SUGCT: variants seen among roughly 807,000 people sequenced by gnomAD.
The protein encoded by SUGCT is succinyl-CoA:glutarate CoA-transferase.
SUGCT carries 41 observed loss-of-function variants against 55.0 expected under a neutral mutation model. The observed-to-expected ratio is 0.74, with a 90% CI of 0.58 to 0.97. The LOEUF (loss-of-function observed/expected upper bound fraction) is 0.97, where lower values mean the gene tolerates loss of function less well. Among genes scored for constraint, SUGCT ranks in the 50% least tolerant of loss-of-function variants. The pLI, the probability that SUGCT is intolerant of heterozygous loss-of-function variation, is 0.00. For missense variants in SUGCT, 568 were observed against 547.8 expected (o/e 1.04, Z -0.37); for synonymous variants, 187 against 200.4 (o/e 0.93, Z 0.56).
intron 1 of SUGCT, among the ~76,000 whole-genome samples, chr7:40,139,029 T>C (rs948021566): frequency 3.3e-5 from 5 of 151,908 alleles, no homozygotes; most frequent in African/African-American, 1.2e-4. Context: ...ATCCTACCAC[T>C]TTGGGAGGCT....
At chr7:40,506,385 G>A (rs1230111652) in intron 12 of SUGCT, among the ~76,000 whole-genome samples, 1 of 151,994 alleles carries the variant, frequency 6.6e-6, no homozygotes, top group East Asian at 1.9e-4. Flanking sequence ...ATTCCCTTGA[G>A]TGTAATGTAT....
chr7:40,594,347 A>G (rs141492965), intron 12 of SUGCT, among the ~76,000 whole-genome samples: 2 of 152,076 alleles, frequency 1.3e-5, no homozygotes, highest in Non-Finnish European at 2.9e-5. Flanking sequence ...TAAAAAAAAA[A>G]AAATATGATG....
chr7:40,654,037 G>A (rs1800901874), intron 12 of SUGCT, among the ~76,000 whole-genome samples: 1 of 151,590 alleles, frequency 6.6e-6, no homozygotes, highest in Admixed American at 6.6e-5. Flanking sequence ...TGCATACATA[G>A]AAAGAAGTCA....
At chr7:40,870,156 A>AT in the SUGCT span, among the ~76,000 whole-genome samples, 5 of 152,172 alleles carry the variant, frequency 3.3e-5, no homozygotes, top group African/African-American at 4.8e-5. Flanking sequence ...TTCTCTCAAA[A>AT]TTCTAGAGGC....
At chr7:40,854,391 A>AT (rs1416656815) in intron 13 of SUGCT, among the ~76,000 whole-genome samples, 33 of 124,998 alleles carry the variant, frequency 2.6e-4, no homozygotes, top group Middle Eastern at 9.4e-3. Context: ...GTGTATCAAA[A>AT]TTTTTTTCTT....
intron 13 of SUGCT, among the ~76,000 whole-genome samples, chr7:40,800,047 A>G (rs1280495837): frequency 2.0e-5 from 3 of 152,146 alleles, no homozygotes; most frequent in African/African-American, 7.2e-5. Flanking sequence ...CTCCAAGCAG[A>G]CGTTTGTTTT....
In SUGCT at chr7:40,511,232, C is replaced by G. The variant is rs182886010; in HGVS notation, c.1089+14846C>G. Among the ~76,000 whole-genome samples, 6 of 152,224 alleles carry G rather than the reference C, an allele frequency of 3.9e-5. No homozygotes were observed. In the East Asian group the frequency reaches 9.7e-4, roughly 25 times the overall value. On this transcript the variant is annotated intron_variant, in intron 12 of 13. Coordinates refer to ENST00000335693, the MANE Select transcript of SUGCT (RefSeq NM_001193313.2). ...TGTACCCCTTGGTATCATGTATAAT[C>G]TCAATTTCCTGCCCGAAATGCATGG...
chr7:40,990,572 C>T, the SUGCT span, among the ~76,000 whole-genome samples: 1 of 152,198 alleles, frequency 6.6e-6, no homozygotes, highest in African/African-American at 2.4e-5. Context: ...CAAGAGTCAA[C>T]TTGTCATTTG....
At chr7:40,903,351 A>G in the SUGCT span, among the ~76,000 whole-genome samples, 1 of 152,172 alleles carries the variant, frequency 6.6e-6, no homozygotes, top group African/African-American at 2.4e-5. Flanking sequence ...GCGCCTAGAC[A>G]GAGAATTATG....
At position 40,202,980 on chromosome 7, in the gene SUGCT, T is replaced by G. The variant is rs141923224; in HGVS notation, c.484+7920T>G. On this transcript the variant is annotated intron_variant, in intron 6 of 13. Coordinates refer to ENST00000335693, the MANE Select transcript of SUGCT (RefSeq NM_001193313.2). ...CCGATGTAGCCATAACCCCTTGCCT[T>G]TGGTATTCTTTCAGACACATGCCAC... Among the ~76,000 whole-genome samples the G allele has an allele frequency of 1.7e-3, 258 of 152,286 alleles. 1 individual carries two copies. Among genetic ancestry groups the G allele is most frequent in the Non-Finnish European group, 3.1e-3 (209 of 68,028 alleles).
intron 1 of SUGCT, among the ~76,000 whole-genome samples, chr7:40,145,210 T>G (rs1402468118): frequency 3.9e-5 from 6 of 152,338 alleles, no homozygotes; most frequent in South Asian, 2.1e-4. Flanking sequence ...ATCTACATTC[T>G]TATGCCTCAT....
At chr7:40,515,823 G>C (rs955778530) in intron 12 of SUGCT, among the ~76,000 whole-genome samples, 1 of 152,192 alleles carries the variant, frequency 6.6e-6, no homozygotes, top group South Asian at 2.1e-4. Flanking sequence ...AATGTTCTGA[G>C]TATGTACCTA....
At chr7:40,790,204 C>T (rs540134072) in intron 13 of SUGCT, among the ~76,000 whole-genome samples, 1 of 152,052 alleles carries the variant, frequency 6.6e-6, no homozygotes, top group East Asian at 1.9e-4. Flanking sequence ...GGGCAGTTAC[C>T]CCCAGCTACT....
chr7:40,864,846 C>A (rs1794552618), downstream of SUGCT, among the ~76,000 whole-genome samples: 1 of 152,062 alleles, frequency 6.6e-6, no homozygotes, highest in Non-Finnish European at 1.5e-5. Context: ...GAGGGGCAGG[C>A]ACTAGAAAGA....
At chr7:40,969,023 C>T in the SUGCT span, among the ~76,000 whole-genome samples, 968 of 152,280 alleles carry the variant, frequency 6.4e-3, 11 homozygotes, top group African/African-American at 0.023. Context: ...CTGCTCCAGC[C>T]GGCCCCACGA....
intron 9 of SUGCT, among the ~76,000 whole-genome samples, chr7:40,365,261 C>A (rs1354545495): frequency 3.9e-5 from 6 of 152,054 alleles, no homozygotes; most frequent in Admixed American, 6.6e-5. Context: ...TGGGATGTAT[C>A]TCAAAATAAT....
chr7:40,350,606 G>A (rs185797777), intron 9 of SUGCT, among the ~76,000 whole-genome samples: 8 of 151,702 alleles, frequency 5.3e-5, no homozygotes, highest in African/African-American at 1.9e-4. Flanking sequence ...GTTGGGATTA[G>A]AGGCATGAGC....
At chr7:40,186,447 C>T (rs1785515582) in intron 3 of SUGCT, among the ~76,000 whole-genome samples, 1 of 151,790 alleles carries the variant, frequency 6.6e-6, no homozygotes, top group Non-Finnish European at 1.5e-5. Context: ...TTTGTAGAGA[C>T]AGGGTTTCAC....
chr7:40,883,008 T>C, the SUGCT span, among the ~76,000 whole-genome samples: 1 of 152,332 alleles, frequency 6.6e-6, no homozygotes, highest in African/African-American at 2.4e-5. Flanking sequence ...TTCCTAGGAC[T>C]CTTTTGCTGC....
Sources: allele counts gnomAD v4.1 joint callset (sites outside exome capture counted in the v4.1 genomes callset), GRCh38; gene constraint gnomAD v4.1.1; transcripts MANE v1.5; gene names NCBI Gene and HGNC (gene_info 2026-07-23, HGNC 2026-07-21).